SPTLC2: variants seen among roughly 807,000 people sequenced by gnomAD.
SPTLC2 encodes the protein serine palmitoyltransferase long chain base subunit 2.
SPTLC2 carries 21 observed loss-of-function variants against 62.0 expected under a neutral mutation model. That is an observed-to-expected ratio of 0.34 (90% CI 0.24 to 0.49). The LOEUF (loss-of-function observed/expected upper bound fraction) is 0.49, where lower values mean the gene tolerates loss of function less well. Among genes scored for constraint, SPTLC2 ranks in the 20% least tolerant of loss-of-function variants. The pLI, the probability that SPTLC2 is intolerant of heterozygous loss-of-function variation, is 0.99. For missense variants in SPTLC2, 511 were observed against 713.0 expected (o/e 0.72, Z 3.23); for synonymous variants, 261 against 261.8 (o/e 1.00, Z 0.03).
chr14:77,562,617 CAATTTT>C, intron 5 of SPTLC2, 128 bp from the exon 6 acceptor site: 1 of 709,754 alleles, frequency 1.4e-6, no homozygotes, highest in South Asian at 1.7e-5. Flanking sequence ...GCACAGTGAT[CAATTTT>C]AAGAAGAGGA....
chr14:77,583,524 C>T (rs1452871704), intron 2 of SPTLC2, among the ~76,000 whole-genome samples: 2 of 152,112 alleles, frequency 1.3e-5, no homozygotes, highest in Non-Finnish European at 2.9e-5. Context: ...CAGTTCTCTC[C>T]GCAAAGAGTG....
intron 2 of SPTLC2, among the ~76,000 whole-genome samples, chr14:77,587,161 G>A (rs1355649536): frequency 4.6e-5 from 7 of 152,022 alleles, no homozygotes; most frequent in African/African-American, 1.4e-4. Context: ...CCAGGAGGCG[G>A]AGCTTGCAGT....
chr14:77,597,294 G>A lies in SPTLC2; in HGVS notation c.219C>T (p.Leu73=). The change falls in exon 2 of 12, where the codon CTC becomes CTT. Residue 73 remains leucine, a synonymous_variant. Transcript: ENST00000216484. ...FEETPMLVAV[L]TYVGYGVLTL... ...TGAGTACGCCATACCCCACATACGT[G>A]AGCACAGCAACCAGCATTGGTGTTT... 6.2e-7 allele frequency: 1 copy of A among 1,614,150 alleles called. No homozygotes were observed. The highest frequency in any genetic ancestry group is 8.5e-7 in the Non-Finnish European group (1 of 1,180,030).
chr14:77,535,344 T>C (rs77730145), intron 9 of SPTLC2, among the ~76,000 whole-genome samples: 5 of 152,066 alleles, frequency 3.3e-5, no homozygotes, highest in African/African-American at 1.2e-4. Context: ...AACAGACAGA[T>C]AGATCCCAAG....
At chr14:77,550,130 A>G (rs191026901) in intron 9 of SPTLC2, among the ~76,000 whole-genome samples, 1 of 152,380 alleles carries the variant, frequency 6.6e-6, no homozygotes. Flanking sequence ...AGGCTCCACT[A>G]TGTGTTTGCA....
In SPTLC2 at chr14:77,597,177, A is replaced by G. The variant is rs2079851886; in HGVS notation, c.327+9T>C. ...CTATTTACAGAATCAAAAACTCTCT[A>G]ACAGTTACCTTTTGTTCTTCTCTTT... On this transcript the variant is annotated intron_variant, in intron 2 of 11. Transcript: ENST00000216484. 1 of 1,613,602 alleles carries G rather than the reference A, an allele frequency of 6.2e-7. No individual in the cohort carries two copies. Among genetic ancestry groups the G allele is most frequent in the Non-Finnish European group, 8.5e-7 (1 of 1,179,644 alleles).
chr14:77,576,941 G>C (rs755522353), intron 3 of SPTLC2, 26 bp from the exon 4 acceptor site: 1 of 1,613,640 alleles, frequency 6.2e-7, no homozygotes, highest in Admixed American at 1.7e-5. Context: ...ATAAAACAAT[G>C]AAACTCATGA....
rs114519796 is a variant in SPTLC2 at position 77,570,417 on chromosome 14, C to A, written c.723G>T (p.Thr241=). 4,198 of 1,613,606 alleles carry A rather than the reference C, an allele frequency of 2.6e-3. 113 individuals carry two copies. The African/African-American group carries it at 0.049, about 19-fold the overall frequency. ...CAAGAGCAGGAATGTTCATTGAATT[C>A]GTTGCAAATCCCATGCCATACGCCA... ...AAMAYGMGFA[T]NSMNIPALVG... Residue 241 remains threonine, a synonymous_variant, in exon 5 of 12, where the codon ACG becomes ACT. Transcript: ENST00000216484.
rs979969248 is a variant in SPTLC2, at chr14:77,541,521, T to G, written c.1303+10575A>C. Among the ~76,000 whole-genome samples the G allele has an allele frequency of 3.3e-5, 5 of 152,214 alleles. No individual in the cohort carries two copies. The South Asian group carries it at 6.2e-4, about 19-fold the overall frequency. The stretch of plus-strand genomic sequence containing the variant: ...TGGATGATCTGGATATACACCCATT[T>G]AGAAGCGGGGGGTCCATGTGGAAAT... On this transcript the variant is annotated intron_variant, in intron 9 of 11. Coordinates refer to ENST00000216484, the MANE Select transcript of SPTLC2 (RefSeq NM_004863.4).
In SPTLC2 at chr14:77,535,775, T is replaced by C. The variant is rs116924474; in HGVS notation, c.1304-14194A>G. 40 of 331,350 alleles carry C rather than the reference T, an allele frequency of 1.2e-4. 1 individual carries two copies. In the East Asian group the frequency reaches 3.5e-3, roughly 29 times the overall value. The allele number at this position is 331,350 out of a possible 1,614,324, so 20.5% of individuals were successfully genotyped here. A position where few individuals can be genotyped will look rare whatever the true frequency, so the allele number is the denominator to read the frequency against. On this transcript the variant is annotated intron_variant, in intron 9 of 11. Transcript: ENST00000216484. ...CTTATTTAATTCTTCCAAAGCATTT[T>C]TGCTTGACTGATTCCTCTACTATTA...
chr14:77,605,574 C>G (rs545953363), intron 1 of SPTLC2, among the ~76,000 whole-genome samples: 1 of 152,222 alleles, frequency 6.6e-6, no homozygotes, highest in African/African-American at 2.4e-5. Context: ...GCCATTTCCT[C>G]TCTCTACTTG....
intron 9 of SPTLC2, among the ~76,000 whole-genome samples, chr14:77,537,010 C>G (rs569208026): frequency 1.6e-4 from 24 of 151,838 alleles, no homozygotes; most frequent in African/African-American, 5.3e-4. Flanking sequence ...GCAACCTCCG[C>G]CTCCCAGGTT....
chr14:77,611,198 G>C (rs1054059847), intron 1 of SPTLC2, among the ~76,000 whole-genome samples: 4 of 151,370 alleles, frequency 2.6e-5, no homozygotes, highest in Non-Finnish European at 5.9e-5. Flanking sequence ...AGCTACTCGG[G>C]AGGCTGAGGC....
At chr14:77,576,523 C>A (rs1424432243) in intron 4 of SPTLC2, among the ~76,000 whole-genome samples, 2 of 152,302 alleles carry the variant, frequency 1.3e-5, no homozygotes, top group East Asian at 3.9e-4. Flanking sequence ...GAAACAAACA[C>A]TGGCAGGATT....
At chr14:77,529,620 C>CTTTCTTTCTTTTTT (rs1555373703) in intron 9 of SPTLC2, among the ~76,000 whole-genome samples, 5 of 76,052 alleles carry the variant, frequency 6.6e-5, no homozygotes, top group Non-Finnish European at 1.4e-4. Flanking sequence ...TTCTTTCTTT[C>CTTTCTTTCTTTTTT]TTTTTTTTTT....
intron 2 of SPTLC2, among the ~76,000 whole-genome samples, chr14:77,590,953 A>G (rs545679332): frequency 1.3e-5 from 2 of 152,276 alleles, no homozygotes; most frequent in Admixed American, 1.3e-4. Context: ...CAAACCTAAC[A>G]CTGGCACTAG....
At chr14:77,529,250 CTTCTTTTTTT>C (rs1328952973) in intron 9 of SPTLC2, among the ~76,000 whole-genome samples, 1 of 107,408 alleles carries the variant, frequency 9.3e-6, no homozygotes, top group African/African-American at 4.3e-5. Flanking sequence ...TTGAAAACTT[CTTCTTTTTTT>C]TTTTTTTTTT....
In SPTLC2 at chr14:77,509,017, G is replaced by C. The variant is rs1304401209; in HGVS notation, c.*3267C>G. ...AAGCATGTTCAACTCCTTGGTGTTTGAAGAGGCATGACACAAACATAGAGC... is the reference window on the plus strand; with the variant it reads ...AAGCATGTTCAACTCCTTGGTGTTTCAAGAGGCATGACACAAACATAGAGC... On this transcript the variant is annotated 3_prime_UTR_variant, in exon 12 of 12. Coordinates refer to ENST00000216484, the MANE Select transcript of SPTLC2 (RefSeq NM_004863.4). 6.6e-6 allele frequency: 1 copy of C among 152,244 alleles called. No individual in the cohort carries two copies. Among genetic ancestry groups the C allele is most frequent in the Non-Finnish European group, 1.5e-5 (1 of 68,048 alleles). 9.4% of individuals were successfully genotyped at this position (152,244 alleles called of 1,614,324 possible). A position where few individuals can be genotyped will look rare whatever the true frequency, so the allele number is the denominator to read the frequency against.
At chr14:77,518,511 C>A (rs1202801195) in intron 10 of SPTLC2, among the ~76,000 whole-genome samples, 2 of 151,330 alleles carry the variant, frequency 1.3e-5, no homozygotes. Context: ...GCATGAGAAT[C>A]TCTCGAAGCT....
Sources: gnomAD v4.1 joint callset for allele counts (sites outside exome capture counted in the v4.1 genomes callset) on GRCh38, gnomAD v4.1.1 for gene constraint, MANE v1.5 for transcripts, NCBI Gene and HGNC (gene_info 2026-07-23, HGNC 2026-07-21) for gene names.